Variants in XRCC5 observed in about 807,000 individuals in gnomAD.
XRCC5 encodes the protein DNA repair protein Ku80.
Under a neutral mutation model 95.7 loss-of-function variants are expected in XRCC5, and 12 were observed. The ratio of observed to expected loss-of-function variants is 0.13; its 90% CI spans 0.08 to 0.20. The LOEUF is 0.20. Ranked by LOEUF, XRCC5 falls within the 10% of genes least tolerant of loss-of-function variation. The pLI, the probability that XRCC5 is intolerant of heterozygous loss-of-function variation, is 1.00. For missense variants in XRCC5, 595 were observed against 873.9 expected (o/e 0.68, Z 4.02); for synonymous variants, 281 against 290.3 (o/e 0.97, Z 0.33).
chr2:216,120,350 A>G (rs931651859), intron 5 of XRCC5, among the ~76,000 whole-genome samples: 2 of 152,204 alleles, frequency 1.3e-5, no homozygotes, highest in Non-Finnish European at 1.5e-5. Context: ...TCCATGAGCA[A>G]TACAGAAAAG....
chr2:216,147,384 A>G (rs1026414660), intron 13 of XRCC5, among the ~76,000 whole-genome samples: 1 of 152,120 alleles, frequency 6.6e-6, no homozygotes, highest in Admixed American at 6.5e-5. Context: ...ACCCTAGGGT[A>G]TGGTGAGCAG....
intron 14 of XRCC5, among the ~76,000 whole-genome samples, chr2:216,151,600 G>A (rs912343634): frequency 2.6e-5 from 4 of 152,172 alleles, no homozygotes; most frequent in African/African-American, 7.2e-5. Context: ...TTCCTCATGG[G>A]TAAAATAGGG....
In XRCC5 at chr2:216,127,822, G is replaced by C; in HGVS notation, c.937+148G>C. 4.6e-6 allele frequency: 4 copies of C among 863,746 alleles called. No individual in the cohort carries two copies. The South Asian group carries it at 8.7e-5, about 19-fold the overall frequency. 53.5% of individuals were successfully genotyped at this position (863,746 alleles called of 1,614,324 possible). On this transcript the variant is annotated intron_variant, in intron 8 of 20. Transcript: ENST00000392132. ...GTTTGAAAGGATAATGAGACCCTAGGTCCTTTAGCTCATTTGTTGGGTCTT... is the reference window on the plus strand; with the variant it reads ...GTTTGAAAGGATAATGAGACCCTAGCTCCTTTAGCTCATTTGTTGGGTCTT...
intron 20 of XRCC5, 41 bp downstream of exon 20, chr2:216,204,437 G>A (rs1689903799): frequency 6.2e-7 from 1 of 1,607,302 alleles, no homozygotes; most frequent in Non-Finnish European, 8.5e-7. Flanking sequence ...TATGATTGAA[G>A]TCACCTGAGC....
intron 13 of XRCC5, among the ~76,000 whole-genome samples, chr2:216,145,199 A>G (rs996753183): frequency 2.6e-5 from 4 of 152,186 alleles, no homozygotes; most frequent in Admixed American, 6.5e-5. Flanking sequence ...AGGACACAGT[A>G]ATCTATAGGA....
At chr2:216,167,856 CTT>C (rs1378003710) in intron 16 of XRCC5, among the ~76,000 whole-genome samples, 1 of 152,034 alleles carries the variant, frequency 6.6e-6, no homozygotes, top group Non-Finnish European at 1.5e-5. Flanking sequence ...ATTTGACATA[CTT>C]TTTTAGTCCT....
At chr2:216,109,494 C>T in intron 1 of XRCC5, 37 bp downstream of exon 1, 1 of 1,612,950 alleles carries the variant, frequency 6.2e-7, no homozygotes, top group Non-Finnish European at 8.5e-7. Flanking sequence ...TTTACCCGGA[C>T]TGGGGATCCG....
intron 11 of XRCC5, among the ~76,000 whole-genome samples, 197 bp downstream of exon 11, chr2:216,137,422 C>T (rs1697102623): frequency 1.3e-5 from 2 of 151,964 alleles, no homozygotes; most frequent in African/African-American, 2.4e-5. Context: ...ACCACACTTT[C>T]GGTTGGAGGA....
At chr2:216,165,511 T>C (rs761617748) in intron 16 of XRCC5, among the ~76,000 whole-genome samples, 2 of 152,358 alleles carry the variant, frequency 1.3e-5, no homozygotes, top group Non-Finnish European at 1.5e-5. Context: ...AGCTCCAGAA[T>C]TGATGTCCTG....
chr2:216,185,685 T>TTC (rs1237042578), intron 16 of XRCC5, among the ~76,000 whole-genome samples: 3 of 151,754 alleles, frequency 2.0e-5, no homozygotes, highest in Admixed American at 2.0e-4. Flanking sequence ...CTTTTTCTTT[T>TTC]TTTTTTTTGA....
chr2:216,122,708 T>G (rs1434828589), intron 6 of XRCC5, among the ~76,000 whole-genome samples: 2 of 151,466 alleles, frequency 1.3e-5, no homozygotes, highest in Non-Finnish European at 1.5e-5. Context: ...TATGGTATAG[T>G]GATTTTTTTT....
chr2:216,190,154 C>T (rs908342401), intron 16 of XRCC5, 71 bp from the exon 17 acceptor site: 1 of 1,323,342 alleles, frequency 7.6e-7, no homozygotes, highest in African/African-American at 1.4e-5. Context: ...TACTTATAGG[C>T]ACAAACACAG....
intron 16 of XRCC5, among the ~76,000 whole-genome samples, chr2:216,172,398 T>C (rs1017425972): frequency 4.6e-5 from 7 of 151,954 alleles, no homozygotes; most frequent in Non-Finnish European, 1.0e-4. Flanking sequence ...ACTTTGTTCT[T>C]TTCTAAAAAT....
Position 216,166,322 on chromosome 2 carries a change from A to G in XRCC5, c.1834+4274A>G, listed in dbSNP as rs558258255. On this transcript the variant is annotated intron_variant, in intron 16 of 20. Coordinates refer to ENST00000392132, the MANE Select transcript of XRCC5 (RefSeq NM_021141.4). ...GTTTTTGTAGAGATGAGGTTTCGCC[A>G]TGTTATCCAGGCTGGTCCTGAACTC... 7.2e-5 allele frequency among the ~76,000 whole-genome samples: 11 copies of G among 152,164 alleles called. No individual in the cohort carries two copies. The East Asian group carries it at 1.9e-3, about 27-fold the overall frequency.
chr2:216,200,187 C>T (rs1468638433), intron 19 of XRCC5, among the ~76,000 whole-genome samples: 1 of 152,150 alleles, frequency 6.6e-6, no homozygotes, highest in African/African-American at 2.4e-5. Context: ...CACGCCTTCA[C>T]CTTATAATGC....
intron 19 of XRCC5, among the ~76,000 whole-genome samples, chr2:216,196,479 C>T (rs1689722913): frequency 6.6e-6 from 1 of 152,106 alleles, no homozygotes; most frequent in Non-Finnish European, 1.5e-5. Flanking sequence ...TCCAGAGAAA[C>T]AGAACCAAGA....
chr2:216,114,635 G>A (rs973300495), intron 2 of XRCC5, among the ~76,000 whole-genome samples: 3 of 152,080 alleles, frequency 2.0e-5, no homozygotes, highest in African/African-American at 4.8e-5. Context: ...ATCATCGAGG[G>A]GAAGACAGGC....
chr2:216,201,019 T>G (rs945539274), intron 19 of XRCC5, among the ~76,000 whole-genome samples: 1 of 152,222 alleles, frequency 6.6e-6, no homozygotes, highest in Non-Finnish European at 1.5e-5. Flanking sequence ...TTAGTTTATC[T>G]GAGACTCAAC....
Position 216,132,327 on chromosome 2 carries a change from T to A in XRCC5, c.1053T>A (p.Val351=). The A allele has an allele frequency of 1.2e-6, 2 of 1,613,920 alleles. No individual in the cohort carries two copies. The highest frequency in any genetic ancestry group is 1.7e-6 in the Non-Finnish European group (2 of 1,179,790). ...SVLGFCKSSQ[V]QRRFFMGNQV... The stretch of plus-strand genomic sequence containing the variant: ...GCAATTCTTTTCCTCTCTTGTAGGT[T>A]CAGAGAAGATTCTTCATGGGAAATC... Residue 351 remains valine, a splice_region_variant and synonymous_variant, in exon 10 of 21, where the codon GTT becomes GTA. Transcript: ENST00000392132.
Sources: gnomAD v4.1 joint callset for allele counts (sites outside exome capture counted in the v4.1 genomes callset) on GRCh38, gnomAD v4.1.1 for gene constraint, MANE v1.5 for transcripts, NCBI Gene and HGNC (gene_info 2026-07-23, HGNC 2026-07-21) for gene names.